The following TOX3 variants were observed in gnomAD, a reference collection of about 807,000 sequenced individuals.
The protein encoded by TOX3 is CAG trinucleotide repeat-containing gene F9 protein.
Under a neutral mutation model 64.3 loss-of-function variants are expected in TOX3, and 22 were observed. The ratio of observed to expected loss-of-function variants is 0.34; its 90% CI spans 0.24 to 0.49. The LOEUF (loss-of-function observed/expected upper bound fraction) is 0.49. TOX3 is among the 20% of genes least tolerant of loss of function. TOX3 has a pLI of 0.99. For synonymous variants in TOX3, 291 were observed against 273.6 expected, an observed-to-expected ratio of 1.06 and a Z score of -0.63; for missense variants, 661 against 714.4, an observed-to-expected ratio of 0.93 and a Z score of 0.85.
At chr16:52,446,301 T>C in intron 4 of TOX3, 80 bp from the exon 5 acceptor site, 2 of 1,439,982 alleles carry the variant, frequency 1.4e-6, no homozygotes, top group South Asian at 2.7e-5. Context: ...TCCATAATTG[T>C]TCTTTGAAGG....
intron 1 of TOX3, among the ~76,000 whole-genome samples, chr16:52,540,012 C>T (rs192060013): frequency 1.3e-5 from 2 of 152,108 alleles, no homozygotes; most frequent in Non-Finnish European, 1.5e-5. Flanking sequence ...CTTGCCGGGG[C>T]CTACACCATT....
At chr16:52,525,861 G>C (rs141024684) in intron 1 of TOX3, among the ~76,000 whole-genome samples, 81 of 152,306 alleles carry the variant, frequency 5.3e-4, no homozygotes, top group African/African-American at 1.8e-3. Context: ...CGCATTGAAA[G>C]GTGCCCATAA....
intron 1 of TOX3, among the ~76,000 whole-genome samples, chr16:52,516,498 T>G (rs966123098): frequency 4.6e-5 from 7 of 152,216 alleles, no homozygotes; most frequent in Admixed American, 4.6e-4. Flanking sequence ...TTGGAGGCAT[T>G]TAAAAATCTT....
chr16:52,543,739 T>A (rs1433164893), intron 1 of TOX3, among the ~76,000 whole-genome samples: 1 of 152,212 alleles, frequency 6.6e-6, no homozygotes, highest in East Asian at 1.9e-4. Flanking sequence ...TATATTTTAT[T>A]TGAAGTTATT....
chr16:52,515,011 C>CCA (rs1491404430), intron 1 of TOX3, among the ~76,000 whole-genome samples: 3 of 15,832 alleles, frequency 1.9e-4, no homozygotes, highest in African/African-American at 5.4e-4. Context: ...GACTCCATCT[C>CCA]AAAAAAAAAA....
intron 1 of TOX3, among the ~76,000 whole-genome samples, chr16:52,527,995 A>G (rs1230537443): frequency 2.0e-5 from 3 of 152,168 alleles, no homozygotes; most frequent in Non-Finnish European, 2.9e-5. Flanking sequence ...TCCCCAAAAC[A>G]AAGAACTATT....
intron 1 of TOX3, among the ~76,000 whole-genome samples, chr16:52,495,281 A>G (rs1961813846): frequency 6.6e-6 from 1 of 152,184 alleles, no homozygotes; most frequent in East Asian, 1.9e-4. Context: ...CAATTCCCTG[A>G]TGCCTTATAT....
intron 1 of TOX3, among the ~76,000 whole-genome samples, chr16:52,543,328 C>T (rs1419729532): frequency 6.6e-6 from 1 of 152,044 alleles, no homozygotes; most frequent in South Asian, 2.1e-4. Flanking sequence ...ATCTGAAATC[C>T]GAAATGTTCC....
At chr16:52,502,408 G>A (rs1348819975) in intron 1 of TOX3, among the ~76,000 whole-genome samples, 1 of 152,156 alleles carries the variant, frequency 6.6e-6, no homozygotes, top group Non-Finnish European at 1.5e-5. Flanking sequence ...CTACAAGAAT[G>A]GGTCTTCAAG....
At chr16:52,445,954 T>G in intron 5 of TOX3, 40 bp downstream of exon 5, 478 of 1,561,206 alleles carry the variant, frequency 3.1e-4, no homozygotes, top group Non-Finnish European at 3.7e-4. Context: ...TAAATGATCA[T>G]GAGGTTTATT....
chr16:52,439,245 A>G lies in TOX3; in HGVS notation c.1711T>C (p.Ser571Pro). Reference protein sequence around the residue: ...IQSQTQTQVLSQVSIF With the variant: ...IQSQTQTQVLPQVSIF ...CGTCTTCAGAAAATACTGACCTGCG[A>G]TAATACTTGAGTCTGTGTCTGAGAC... Residue 571 changes from serine to proline, a missense_variant, in exon 7 of 7, where the codon TCG (serine) becomes CCG (proline). By Grantham distance (74) the Ser-to-Pro change is moderately conservative. This residue lies in a region of TOX3 where 299 missense variants were observed against 292.1 expected (regional missense o/e 1.02). Coordinates refer to ENST00000219746, the MANE Select transcript of TOX3 (RefSeq NM_001080430.4). The G allele has an allele frequency of 6.2e-7, 1 of 1,613,928 alleles. No homozygotes were observed. Among genetic ancestry groups the G allele is most frequent in the Admixed American group, 1.7e-5 (1 of 60,012 alleles).
chr16:52,459,204 T>C (rs1433295776), intron 3 of TOX3, among the ~76,000 whole-genome samples: 1 of 152,098 alleles, frequency 6.6e-6, no homozygotes, highest in Non-Finnish European at 1.5e-5. Flanking sequence ...TAGTCCAAGA[T>C]ACTCGAGAAG....
rs947689509 is a variant in TOX3 at position 52,534,277 on chromosome 16, G to A, written c.87+12360C>T. Among the ~76,000 whole-genome samples, 27 of 152,102 alleles carry A rather than the reference G, an allele frequency of 1.8e-4. 1 individual carries two copies. On this transcript the variant is annotated intron_variant, in intron 1 of 6. Coordinates refer to ENST00000219746, the MANE Select transcript of TOX3 (RefSeq NM_001080430.4). Reference sequence around the variant, plus strand: ...CAAAAAATACAACAGCAAAGAAAGGGGGCAGAGGAGATTAGGTAGTAGTGG... The same window carrying A: ...CAAAAAATACAACAGCAAAGAAAGGAGGCAGAGGAGATTAGGTAGTAGTGG...
rs759774312 is a variant in TOX3 at position 52,464,191 on chromosome 16, A to G, written c.154-3T>C. On this transcript the variant is annotated splice_region_variant and splice_polypyrimidine_tract_variant and intron_variant, in intron 2 of 6. Coordinates refer to ENST00000219746, the MANE Select transcript of TOX3 (RefSeq NM_001080430.4). ...AGGCTTGGTGTGTGGAATGTCTGCT[A>G]AAAGGAAACAAAATACAGGTATCTT... 6.0e-6 allele frequency: 9 copies of G among 1,500,632 alleles called. No individual in the cohort carries two copies. Among genetic ancestry groups the G allele is most frequent in the Non-Finnish European group, 5.3e-6 (6 of 1,122,426 alleles). The allele number at this position is 1,500,632 out of a possible 1,614,324, so 93.0% of individuals were successfully genotyped here.
At chr16:52,545,037 C>T (rs1963146859) in intron 1 of TOX3, among the ~76,000 whole-genome samples, 1 of 152,194 alleles carries the variant, frequency 6.6e-6, no homozygotes, top group Non-Finnish European at 1.5e-5. Context: ...CCCACTGGAA[C>T]AATTAGGTAG....
At chr16:52,442,419 A>T (rs1282418778) in intron 6 of TOX3, among the ~76,000 whole-genome samples, 1 of 152,120 alleles carries the variant, frequency 6.6e-6, no homozygotes, top group Non-Finnish European at 1.5e-5. Context: ...TCCCTTATAT[A>T]ACGGCCCTTA....
chr16:52,529,104 G>A (rs1226626034), intron 1 of TOX3, among the ~76,000 whole-genome samples: 1 of 152,130 alleles, frequency 6.6e-6, no homozygotes, highest in Non-Finnish European at 1.5e-5. Context: ...TATGTCAGGA[G>A]GTCAACTTTC....
At chr16:52,523,930 T>C (rs1030892620) in intron 1 of TOX3, among the ~76,000 whole-genome samples, 1 of 152,034 alleles carries the variant, frequency 6.6e-6, no homozygotes, top group African/African-American at 2.4e-5. Flanking sequence ...CTGCTTGATA[T>C]TTTTTTTCCC....
chr16:52,527,172 T>TA (rs1255566504), intron 1 of TOX3, among the ~76,000 whole-genome samples: 3 of 151,382 alleles, frequency 2.0e-5, no homozygotes, highest in African/African-American at 4.9e-5. Context: ...GATTTAAAAA[T>TA]AAAAAAATAA....
Sources: allele counts gnomAD v4.1 joint callset (sites outside exome capture counted in the v4.1 genomes callset), GRCh38; gene constraint gnomAD v4.1.1; regional missense constraint gnomAD v4.1.1; transcripts MANE v1.5; gene names NCBI Gene and HGNC (gene_info 2026-07-23, HGNC 2026-07-21).